The following RBFOX1 variants were observed in gnomAD, a reference collection of about 807,000 sequenced individuals.
RBFOX1 encodes RNA binding fox-1 homolog 1, also known as RNA binding protein fox-1 homolog 1.
RBFOX1 carries 8 observed loss-of-function variants against 57.7 expected under a neutral mutation model. That is an observed-to-expected ratio of 0.14 (90% confidence interval 0.08 to 0.25). The LOEUF (loss-of-function observed/expected upper bound fraction) is 0.25. RBFOX1 is among the 10% of genes least tolerant of loss of function. The probability of loss-of-function intolerance (pLI) is 1.00; values close to 1 mark genes in which losing one functional copy is unlikely to be tolerated. For synonymous variants in RBFOX1, 326 were observed against 222.4 expected (o/e 1.47, Z -4.15); for missense variants, 611 against 548.5 (o/e 1.11, Z -1.14).
At chr16:6,338,291 A>G (rs564958481) in intron 2 of RBFOX1, among the ~76,000 whole-genome samples, 21 of 152,338 alleles carry the variant, frequency 1.4e-4, no homozygotes, top group African/African-American at 5.0e-4. Flanking sequence ...AAGGGATTAT[A>G]TCAAGATTAC....
intron 2 of RBFOX1, among the ~76,000 whole-genome samples, chr16:6,433,666 G>T (rs368637298): frequency 6.6e-6 from 1 of 152,054 alleles, no homozygotes; most frequent in Non-Finnish European, 1.5e-5. Context: ...GGTGTTAGCA[G>T]GGCTCAGTTT....
chr16:5,918,111 T>C (rs534695271), intron 4 of RBFOX1, among the ~76,000 whole-genome samples: 2 of 152,246 alleles, frequency 1.3e-5, no homozygotes, highest in African/African-American at 4.8e-5. Flanking sequence ...ACTGCAGTTT[T>C]ACGTTTATTT....
chr16:6,783,291 T>A lies in RBFOX1; in HGVS notation c.-16+128641T>A, dbSNP rs535644570. The stretch of plus-strand genomic sequence containing the variant: ...GCCATTTAGTTGTTTTTTGTTGTTG[T>A]TGTCATTTTGTTAGTTCTCTCTTCC... On this transcript the variant is annotated intron_variant, in intron 3 of 15. Coordinates refer to ENST00000550418, the MANE Select transcript of RBFOX1 (RefSeq NM_018723.4). Among the ~76,000 whole-genome samples the A allele has an allele frequency of 2.2e-4, 33 of 151,966 alleles. No homozygotes were observed. In the South Asian group the frequency reaches 6.4e-3, roughly 30 times the overall value.
intron 3 of RBFOX1, among the ~76,000 whole-genome samples, chr16:6,941,243 C>G (rs11861937): frequency 0.061 from 8,321 of 136,728 alleles, 1,343 homozygotes; most frequent in African/African-American, 0.24. Flanking sequence ...CCTCCATCCC[C>G]TCCCATTCCC....
At chr16:5,743,699 C>G (rs2052866470) in intron 3 of RBFOX1, among the ~76,000 whole-genome samples, 1 of 152,152 alleles carries the variant, frequency 6.6e-6, no homozygotes, top group Non-Finnish European at 1.5e-5. Context: ...AAAACGAGAT[C>G]TGCCTTGTAA....
intron 3 of RBFOX1, among the ~76,000 whole-genome samples, chr16:7,012,246 A>C (rs1207195661): frequency 6.6e-6 from 1 of 152,162 alleles, no homozygotes; most frequent in African/African-American, 2.4e-5. Context: ...CAGCAAGATG[A>C]AAGAAATTTT....
At chr16:7,189,129 G>A (rs1456382706) in intron 4 of RBFOX1, among the ~76,000 whole-genome samples, 1 of 151,826 alleles carries the variant, frequency 6.6e-6, no homozygotes. Flanking sequence ...GTGATTTCTA[G>A]AAAGGAATCC....
At chr16:5,856,762 C>T (rs1403377866) in intron 3 of RBFOX1, among the ~76,000 whole-genome samples, 1 of 151,144 alleles carries the variant, frequency 6.6e-6, no homozygotes, top group Non-Finnish European at 1.5e-5. Flanking sequence ...CCATTCTCAG[C>T]CTTCATAGAA....
intron 1 of RBFOX1, among the ~76,000 whole-genome samples, chr16:6,073,361 G>T (rs1450653076): frequency 6.6e-6 from 1 of 152,114 alleles, no homozygotes; most frequent in African/African-American, 2.4e-5. Context: ...ATCTGGGATG[G>T]GTCATGGGCC....
chr16:5,939,051 T>C (rs2059227649), intron 4 of RBFOX1, among the ~76,000 whole-genome samples: 1 of 151,978 alleles, frequency 6.6e-6, no homozygotes, highest in Non-Finnish European at 1.5e-5. Context: ...ATGAGAACAC[T>C]TGGACACAGG....
chr16:6,333,616 C>G (rs987004052), intron 2 of RBFOX1, among the ~76,000 whole-genome samples: 2 of 152,084 alleles, frequency 1.3e-5, no homozygotes, highest in Non-Finnish European at 2.9e-5. Context: ...CTGAAAAACT[C>G]TTAAAATTAA....
At chr16:5,291,419 C>A (rs569272269) in intron 1 of RBFOX1, among the ~76,000 whole-genome samples, 15 of 152,210 alleles carry the variant, frequency 9.9e-5, no homozygotes, top group Middle Eastern at 3.4e-3. Flanking sequence ...CCCGCCACCA[C>A]GCCCTGCTAA....
chr16:6,185,372 A>T (rs2152800014), intron 1 of RBFOX1, among the ~76,000 whole-genome samples: 1 of 152,240 alleles, frequency 6.6e-6, no homozygotes, highest in Middle Eastern at 3.4e-3. Context: ...AGGTGATCTT[A>T]TCCTGTTTCA....
intron 3 of RBFOX1, among the ~76,000 whole-genome samples, chr16:6,962,428 A>G (rs1000076973): frequency 2.6e-5 from 4 of 152,128 alleles, no homozygotes; most frequent in Non-Finnish European, 5.9e-5. Flanking sequence ...AACCTGTGCA[A>G]CTTTTTCTGT....
chr16:6,951,814 A>T (rs1461647786), intron 3 of RBFOX1, among the ~76,000 whole-genome samples: 2 of 151,846 alleles, frequency 1.3e-5, no homozygotes, highest in East Asian at 3.9e-4. Flanking sequence ...GCTCACTGCA[A>T]CCTCCGCCTC....
chr16:7,405,660 C>T (rs1241762407), intron 4 of RBFOX1, among the ~76,000 whole-genome samples: 1 of 152,164 alleles, frequency 6.6e-6, no homozygotes, highest in Non-Finnish European at 1.5e-5. Context: ...CAAGGCTGTG[C>T]GGATCCAGGC....
At chr16:7,421,921 A>G (rs1320271374) in intron 4 of RBFOX1, among the ~76,000 whole-genome samples, 1 of 152,214 alleles carries the variant, frequency 6.6e-6, no homozygotes, top group Non-Finnish European at 1.5e-5. Flanking sequence ...TAGGAAGTGT[A>G]CACACATTAT....
At chr16:6,963,709 A>G (rs770022955) in intron 3 of RBFOX1, among the ~76,000 whole-genome samples, 1 of 151,796 alleles carries the variant, frequency 6.6e-6, no homozygotes, top group African/African-American at 2.4e-5. Flanking sequence ...TATTATTATT[A>G]TTTTTTTGAG....
intron 2 of RBFOX1, among the ~76,000 whole-genome samples, chr16:6,538,952 G>T (rs991751936): frequency 6.6e-6 from 1 of 152,136 alleles, no homozygotes; most frequent in East Asian, 1.9e-4. Context: ...GGGAAGAGTT[G>T]TTGGCTGGTT....
Sources: gnomAD v4.1 joint callset for allele counts (sites outside exome capture counted in the v4.1 genomes callset) on GRCh38, gnomAD v4.1.1 for gene constraint, MANE v1.5 for transcripts, NCBI Gene and HGNC (gene_info 2026-07-23, HGNC 2026-07-21) for gene names.